AKAP13: variants seen among roughly 807,000 people sequenced by gnomAD.
AKAP13 encodes the protein A-kinase anchoring protein 13, also known as A-kinase anchor protein 13.
Under a neutral mutation model 264.5 loss-of-function variants are expected in AKAP13, and 80 were observed. That is an observed-to-expected ratio of 0.30 (90% CI 0.25 to 0.36). The LOEUF is 0.36. AKAP13 is among the 10% of genes least tolerant of loss of function. The pLI, the probability that AKAP13 is intolerant of heterozygous loss-of-function variation, is 1.00. For synonymous variants in AKAP13, 1,380 were observed against 1,250.2 expected, an observed-to-expected ratio of 1.10 and a Z score of -2.19; for missense variants, 3,712 against 3,435.2, an observed-to-expected ratio of 1.08 and a Z score of -2.01.
intron 18 of AKAP13, among the ~76,000 whole-genome samples, chr15:85,709,494 C>T (rs2086505037): frequency 6.6e-6 from 1 of 151,978 alleles, no homozygotes; most frequent in South Asian, 2.1e-4. Flanking sequence ...CCACACCCCA[C>T]CCCACCCCAG....
chr15:85,735,093 C>A lies in AKAP13; in HGVS notation c.7384C>A (p.Pro2462Thr), dbSNP rs1439323936. The A allele has an allele frequency of 1.2e-6, 2 of 1,614,156 alleles. No homozygotes were observed. The highest frequency in any genetic ancestry group is 2.2e-5 in the South Asian group (2 of 91,078). Residue 2462 changes from proline to threonine, a missense_variant, in exon 31 of 37, where the codon CCC becomes ACC. By Grantham distance (38) the Pro-to-Thr change is conservative (BLOSUM62 -1). This residue lies in a region of AKAP13 where 611 missense variants were observed against 539.3 expected (regional missense o/e 1.13). Coordinates refer to ENST00000394518, the MANE Select transcript of AKAP13 (RefSeq NM_007200.5). ...EQDVVGPVSL[P>T]RRAETFGGFD... ...AGATGTGGTCGGTCCCGTTTCCCTGCCCCGGAGAGCAGAGACCTTTGGAGG... is the reference window on the plus strand; with the variant it reads ...AGATGTGGTCGGTCCCGTTTCCCTGACCCGGAGAGCAGAGACCTTTGGAGG...
intron 5 of AKAP13, among the ~76,000 whole-genome samples, chr15:85,556,358 T>G (rs1302994172): frequency 6.6e-6 from 1 of 152,226 alleles, no homozygotes; most frequent in Non-Finnish European, 1.5e-5. Context: ...TGCAGTGCAT[T>G]ACAACATTAT....
intron 4 of AKAP13, among the ~76,000 whole-genome samples, chr15:85,538,154 C>T (rs952163896): frequency 3.9e-5 from 6 of 151,980 alleles, no homozygotes; most frequent in African/African-American, 1.5e-4. Flanking sequence ...GTGCAGTAGC[C>T]GTCAGCATAA....
At chr15:85,572,468 C>G (rs905948904) in intron 5 of AKAP13, among the ~76,000 whole-genome samples, 4 of 152,094 alleles carry the variant, frequency 2.6e-5, no homozygotes, top group African/African-American at 9.6e-5. Flanking sequence ...TCATTTCACT[C>G]AGAGTATAGC....
Position 85,743,692 on chromosome 15 carries a change from A to C in AKAP13, c.8259A>C (p.Thr2753=). The C allele has an allele frequency of 6.2e-7, 1 of 1,614,174 alleles. No individual in the cohort carries two copies. The highest frequency in any genetic ancestry group is 1.3e-5 in the African/African-American group (1 of 75,036). The change falls in exon 36 of 37, where the codon ACA becomes ACC. Residue 2753 remains threonine, a synonymous_variant. Transcript: ENST00000394518. ...PFHILSSTSQ[T]NKGPEGQSQA... Reference sequence around the variant, plus strand: ...ACATACTGAGTTCAACCAGCCAGACAAACAAAGGACCAGAAGGGCAGAGCC... The same window carrying C: ...ACATACTGAGTTCAACCAGCCAGACCAACAAAGGACCAGAAGGGCAGAGCC...
chr15:85,711,999 AT>A (rs1334581869), intron 19 of AKAP13, among the ~76,000 whole-genome samples: 5 of 152,000 alleles, frequency 3.3e-5, no homozygotes, highest in Admixed American at 3.3e-4. Context: ...TGCCTGGCTG[AT>A]TTTTTAATTT....
intron 1 of AKAP13, among the ~76,000 whole-genome samples, chr15:85,394,495 T>C (rs1270296784): frequency 1.3e-5 from 2 of 152,230 alleles, no homozygotes; most frequent in African/African-American, 4.8e-5. Flanking sequence ...GGCAAATGAA[T>C]GGAGCATGCA....
At chr15:85,573,708 A>C (rs988057338) in intron 5 of AKAP13, among the ~76,000 whole-genome samples, 11 of 152,182 alleles carry the variant, frequency 7.2e-5, no homozygotes, top group African/African-American at 1.2e-4. Context: ...TAGGCACCTT[A>C]TCAGAATGCT....
rs548755867 is a variant in AKAP13, at chr15:85,450,792, A to G, written c.-11-34918A>G. On this transcript the variant is annotated intron_variant, in intron 1 of 36. Transcript: ENST00000394518. ...TGTCCAATTATATGGTTGATTTTAG[A>G]GTATGTGCCATGTCGTGATGAGAAG... 2.6e-4 allele frequency among the ~76,000 whole-genome samples: 39 copies of G among 152,268 alleles called. No homozygotes were observed. The South Asian group carries it at 7.3e-3, about 28-fold the overall frequency.
At chr15:85,570,171 C>G (rs2078764042) in intron 5 of AKAP13, among the ~76,000 whole-genome samples, 1 of 151,650 alleles carries the variant, frequency 6.6e-6, no homozygotes, top group South Asian at 2.1e-4. Context: ...GAGTAGGAGG[C>G]CGGGTGTGGT....
intron 1 of AKAP13, among the ~76,000 whole-genome samples, chr15:85,386,319 G>T (rs140212797): frequency 0.013 from 1,940 of 150,996 alleles, 45 homozygotes; most frequent in African/African-American, 0.045. Context: ...TTTTTTTAGA[G>T]ATGGAGTCTC....
intron 14 of AKAP13, among the ~76,000 whole-genome samples, chr15:85,673,190 C>T (rs2084014320): frequency 6.6e-6 from 1 of 152,134 alleles, no homozygotes; most frequent in Admixed American, 6.5e-5. Context: ...AGCATTATTT[C>T]TAAGCTGGGA....
intron 13 of AKAP13, among the ~76,000 whole-genome samples, chr15:85,668,273 T>G (rs747227601): frequency 5.3e-5 from 8 of 152,332 alleles, no homozygotes; most frequent in Non-Finnish European, 8.8e-5. Flanking sequence ...TAGTAACGGA[T>G]TTTTCACTGC....
chr15:85,447,526 C>T (rs1320618605), intron 1 of AKAP13, among the ~76,000 whole-genome samples: 4 of 152,074 alleles, frequency 2.6e-5, no homozygotes, highest in East Asian at 3.9e-4. Flanking sequence ...CCCTCCTCCC[C>T]CACCCCCAAA....
At chr15:85,392,213 T>C (rs952230423) in intron 1 of AKAP13, among the ~76,000 whole-genome samples, 3 of 151,418 alleles carry the variant, frequency 2.0e-5, no homozygotes, top group Non-Finnish European at 4.4e-5. Context: ...TTTTTTACTA[T>C]GTATAGTCTA....
At chr15:85,722,385 G>A in intron 25 of AKAP13, 38 bp downstream of exon 25, 1 of 1,535,242 alleles carries the variant, frequency 6.5e-7, no homozygotes, top group South Asian at 1.2e-5. Flanking sequence ...TATGGTCATG[G>A]ACTGTTTCCT....
intron 8 of AKAP13, among the ~76,000 whole-genome samples, chr15:85,625,812 T>C (rs1267783027): frequency 6.6e-6 from 1 of 151,872 alleles, no homozygotes; most frequent in Non-Finnish European, 1.5e-5. Flanking sequence ...GTGTGGCGTT[T>C]AAGTTGCCTT....
At chr15:85,486,149 C>G (rs1449025428) in intron 2 of AKAP13, among the ~76,000 whole-genome samples, 2 of 152,178 alleles carry the variant, frequency 1.3e-5, no homozygotes, top group Non-Finnish European at 2.9e-5. Context: ...ATGTCATTGG[C>G]AAGAGTACTG....
At position 85,655,680 on chromosome 15, in the gene AKAP13, A is replaced by G. The variant is rs368387209; in HGVS notation, c.4638A>G (p.Ala1546=). ...TGGACAGTATCACTGAAGTGCCTGC[A>G]AACTGCTCTGTCCTAAGGAGCTCCA... ...EEMDSITEVP[A]NCSVLRSSMR... Residue 1546 remains alanine, a synonymous_variant, in exon 11 of 37, where the codon GCA becomes GCG. Transcript: ENST00000394518. 6.2e-7 allele frequency: 1 copy of G among 1,614,212 alleles called. No homozygotes were observed. The highest frequency in any genetic ancestry group is 2.2e-5 in the East Asian group (1 of 44,876).
Sources: gnomAD v4.1 joint callset for allele counts (sites outside exome capture counted in the v4.1 genomes callset) on GRCh38, gnomAD v4.1.1 for gene constraint, gnomAD v4.1.1 regional missense constraint, MANE v1.5 for transcripts, NCBI Gene and HGNC (gene_info 2026-07-23, HGNC 2026-07-21) for gene names.